The following AVEN variants were observed in gnomAD, a reference collection of about 807,000 sequenced individuals.
The protein encoded by AVEN is apoptosis and caspase activation inhibitor.
Under a neutral mutation model 38.1 loss-of-function variants are expected in AVEN, and 41 were observed. The observed-to-expected ratio is 1.08, with a 90% CI of 0.84 to 1.40. The LOEUF is 1.40. Among genes scored for constraint, AVEN ranks in the 40% most tolerant of loss-of-function variants. AVEN has a pLI of 0.00. For missense variants in AVEN, 605 were observed against 438.8 expected, an observed-to-expected ratio of 1.38 and a Z score of -3.38; for synonymous variants, 206 against 171.8, an observed-to-expected ratio of 1.20 and a Z score of -1.56.
At chr15:33,917,980 T>C (rs756025256) in intron 2 of AVEN, among the ~76,000 whole-genome samples, 1 of 152,214 alleles carries the variant, frequency 6.6e-6, no homozygotes, top group Admixed American at 6.5e-5. Flanking sequence ...AAATATATGA[T>C]TCTTCAAAGA....
chr15:34,062,173 A>T (rs1284719999), intron 5 of AVEN, among the ~76,000 whole-genome samples: 1 of 152,262 alleles, frequency 6.6e-6, no homozygotes, highest in Non-Finnish European at 1.5e-5. Flanking sequence ...AAGCAAAAGG[A>T]TGCCATTAAA....
downstream of AVEN, among the ~76,000 whole-genome samples, chr15:33,864,554 C>T (rs768515066): frequency 3.3e-5 from 5 of 151,060 alleles, no homozygotes; most frequent in South Asian, 2.1e-4. Context: ...AGAAAGATAA[C>T]GACCTCATGT....
At chr15:34,066,408 CAAAA>C (rs1900511804) in intron 3 of AVEN, 1 of 152,256 alleles carries the variant, frequency 6.6e-6, no homozygotes, top group South Asian at 2.1e-4. Context: ...CTAATTTAAA[CAAAA>C]GAACACAAAT....
chr15:33,863,628 C>G (rs1035767794), downstream of AVEN, among the ~76,000 whole-genome samples: 1 of 152,204 alleles, frequency 6.6e-6, no homozygotes, highest in African/African-American at 2.4e-5. Context: ...TGAAACTACA[C>G]TGGCATTCCC....
At position 34,048,023 on chromosome 15, in the gene AVEN, GTGTGTGTGTGTGTT is replaced by G. The variant is rs537656189; in HGVS notation, n.1637+14885_1637+14898del. On this transcript the variant is annotated intron_variant and non_coding_transcript_variant, in intron 5 of 11. Coordinates refer to the AVEN transcript ENST00000675287. ...AGGCACACATCACCACGTCCAGCTC[GTGTGTGTGTGTGTT>G]TGTGTGTGTGTGTGTTTGGTAGATA... is the stretch of plus-strand genomic sequence containing the variant. 2.5e-3 allele frequency among the ~76,000 whole-genome samples: 65 copies of G among 26,268 alleles called. 1 individual carries two copies. The South Asian group carries it at 0.08, about 32-fold the overall frequency. 17.2% of individuals were successfully genotyped at this position (26,268 alleles called of 152,430 possible).
At chr15:33,922,441 T>TTTA (rs10659080) in intron 2 of AVEN, among the ~76,000 whole-genome samples, 3,966 of 151,774 alleles carry the variant, frequency 0.026, 80 homozygotes, top group African/African-American at 0.052. Context: ...ACACTTTTTT[T>TTTA]TCTCTTATTT....
intron 1 of AVEN, among the ~76,000 whole-genome samples, chr15:34,032,879 A>T (rs1440757002): frequency 2.6e-5 from 4 of 152,222 alleles, no homozygotes; most frequent in Admixed American, 6.5e-5. Context: ...CAAATCAGGT[A>T]GTTCCAATTA....
chr15:33,990,385 A>G (rs1400822646), intron 2 of AVEN, among the ~76,000 whole-genome samples: 1 of 152,154 alleles, frequency 6.6e-6, no homozygotes, highest in Non-Finnish European at 1.5e-5. Flanking sequence ...CTGTCTGAAA[A>G]AAAAAAGAAA....
chr15:33,889,173 G>A (rs931671497), intron 2 of AVEN, among the ~76,000 whole-genome samples: 3 of 152,042 alleles, frequency 2.0e-5, no homozygotes, highest in African/African-American at 4.8e-5. Context: ...ATACAAACAT[G>A]AAAAATCTAT....
chr15:33,995,677 G>A (rs1272778450), intron 2 of AVEN, among the ~76,000 whole-genome samples: 1 of 152,244 alleles, frequency 6.6e-6, no homozygotes, highest in African/African-American at 2.4e-5. Context: ...AGATGCTTCA[G>A]ACCACACCAA....
At chr15:34,040,511 C>T (rs975193777), upstream of AVEN, among the ~76,000 whole-genome samples, 11 of 152,174 alleles carry the variant, frequency 7.2e-5, no homozygotes, top group South Asian at 1.0e-3. Flanking sequence ...ATGCACCAAA[C>T]ACTATTCTAC....
intron 2 of AVEN, among the ~76,000 whole-genome samples, chr15:33,933,608 A>G (rs114147210): frequency 0.043 from 6,186 of 145,032 alleles, 291 homozygotes; most frequent in African/African-American, 0.12. Context: ...TTGGAGCTCC[A>G]GTCTCTTTTT....
chr15:34,016,051 C>T (rs1955091533), intron 1 of AVEN, among the ~76,000 whole-genome samples: 1 of 152,086 alleles, frequency 6.6e-6, no homozygotes. Flanking sequence ...CCAAGGTGGG[C>T]GGATCGCCTG....
chr15:33,861,022 T>C, intron 11 of AVEN: 7 of 1,283,640 alleles, frequency 5.5e-6, no homozygotes, highest in Non-Finnish European at 6.6e-6. Context: ...ATGACAGTTT[T>C]CTCTCCTGCC....
At chr15:33,901,101 C>T (rs1892480587) in intron 2 of AVEN, among the ~76,000 whole-genome samples, 1 of 152,148 alleles carries the variant, frequency 6.6e-6, no homozygotes, top group South Asian at 2.1e-4. Context: ...CCCGTCTCTA[C>T]TAAAAATACA....
At position 33,918,458 on chromosome 15, in the gene AVEN, C is replaced by CTTTTTTTTTT. The variant is rs33928063; in HGVS notation, c.446-42473_446-42464dup. Among the ~76,000 whole-genome samples, 2 of 84,482 alleles carry CTTTTTTTTTT rather than the reference C, an allele frequency of 2.4e-5. 1 individual carries two copies. The highest frequency in any genetic ancestry group is 9.9e-5 in the African/African-American group (2 of 20,230). The allele number at this position is 84,482 out of a possible 152,430, so 55.4% of individuals were successfully genotyped here. The stretch of plus-strand genomic sequence containing the variant: ...GTGTCTTCCCAGTCTTAAATTACAG[C>CTTTTTTTTTT]TTTTTTTTTTTTTTTTTTTTTTTTT... On this transcript the variant is annotated intron_variant, in intron 2 of 5. Transcript: ENST00000306730.
At chr15:33,860,669 C>G (rs898192253) in intron 11 of AVEN, 2 of 1,557,426 alleles carry the variant, frequency 1.3e-6, no homozygotes, top group East Asian at 2.3e-5. Flanking sequence ...GGTAATGTTA[C>G]TCTAACTACT....
chr15:34,007,760 A>C (rs992023169), intron 1 of AVEN, among the ~76,000 whole-genome samples: 1 of 152,218 alleles, frequency 6.6e-6, no homozygotes, highest in Non-Finnish European at 1.5e-5. Context: ...TCAGTTCTGG[A>C]GGCTAGAAAT....
At chr15:33,867,880 G>A (rs781737213) in intron 4 of AVEN, 25 bp from the exon 5 acceptor site, 3 of 1,533,136 alleles carry the variant, frequency 2.0e-6, no homozygotes, top group African/African-American at 1.4e-5. Flanking sequence ...TAAAAACTGA[G>A]TTAAAAATGT....
Sources: gnomAD v4.1 joint callset for allele counts (sites outside exome capture counted in the v4.1 genomes callset) on GRCh38, gnomAD v4.1.1 for gene constraint, MANE v1.5 for transcripts, NCBI Gene and HGNC (gene_info 2026-07-23, HGNC 2026-07-21) for gene names.